Variants in EXOC6B observed in about 807,000 individuals in gnomAD.
EXOC6B encodes exocyst complex component 6B.
A neutral mutation model predicts 113.5 loss-of-function variants in EXOC6B; 54 were observed. That is an observed-to-expected ratio of 0.48 (90% CI 0.38 to 0.60). The LOEUF is 0.60. Ranked by LOEUF, EXOC6B falls within the 20% of genes least tolerant of loss-of-function variation. The probability of loss-of-function intolerance (pLI) is 0.00; values close to 1 mark genes in which losing one functional copy is unlikely to be tolerated. For synonymous variants in EXOC6B, 357 were observed against 339.0 expected (o/e 1.05, Z -0.58); for missense variants, 797 against 977.5 (o/e 0.82, Z 2.46).
chr2:72,815,639 C>T (rs12713775), intron 1 of EXOC6B, among the ~76,000 whole-genome samples: 140,385 of 152,234 alleles, frequency 0.92, 64,799 homozygotes, highest in East Asian at 0.99. Context: ...TGAAACACTA[C>T]TTATCACATC....
chr2:72,530,448 C>T (rs1701945302), intron 8 of EXOC6B, among the ~76,000 whole-genome samples: 1 of 152,024 alleles, frequency 6.6e-6, no homozygotes. Flanking sequence ...AGTCTGATTC[C>T]ATTGAGGTCT....
Position 72,513,126 on chromosome 2 carries a change from A to G in EXOC6B, c.1167+6T>C, listed in dbSNP as rs1454614228. 1 of 1,612,720 alleles carries G rather than the reference A, an allele frequency of 6.2e-7. No homozygotes were observed. The highest frequency in any genetic ancestry group is 8.5e-7 in the Non-Finnish European group (1 of 1,179,110). On this transcript the variant is annotated splice_donor_region_variant and intron_variant, in intron 11 of 21. Coordinates refer to ENST00000272427, the MANE Select transcript of EXOC6B (RefSeq NM_015189.3). ...AATAACAACTTCCCTTGGGCTTCTT[A>G]CATACCGAGTGGGTACGGAGTGCTG...
intron 19 of EXOC6B, among the ~76,000 whole-genome samples, chr2:72,359,100 T>C (rs1273637700): frequency 1.3e-5 from 2 of 152,224 alleles, no homozygotes; most frequent in Non-Finnish European, 2.9e-5. Context: ...TTAGACTCTA[T>C]GAAATGCGTA....
chr2:72,322,098 T>C (rs536817754), intron 20 of EXOC6B, among the ~76,000 whole-genome samples: 2 of 152,296 alleles, frequency 1.3e-5, no homozygotes, highest in Admixed American at 1.3e-4. Context: ...AAAAAATATA[T>C]GTTCATACAA....
At chr2:72,186,193 C>T (rs1461485235) in intron 20 of EXOC6B, among the ~76,000 whole-genome samples, 1 of 152,128 alleles carries the variant, frequency 6.6e-6, no homozygotes, top group Non-Finnish European at 1.5e-5. Flanking sequence ...GTGAATAGTG[C>T]CACAATAAAC....
chr2:72,709,786 A>C lies in EXOC6B; in HGVS notation c.669+8317T>G, dbSNP rs151285185. Among the ~76,000 whole-genome samples, 5 of 152,272 alleles carry C rather than the reference A, an allele frequency of 3.3e-5. No individual in the cohort carries two copies. The East Asian group carries it at 9.6e-4, about 29-fold the overall frequency. On this transcript the variant is annotated intron_variant, in intron 6 of 21. Coordinates refer to ENST00000272427, the MANE Select transcript of EXOC6B (RefSeq NM_015189.3). Reference sequence around the variant, plus strand: ...TAAAAAGATGCATTTAAGTCTCATAAATTTCTACGGTTTAGATTGCTTATG... The same window carrying C: ...TAAAAAGATGCATTTAAGTCTCATACATTTCTACGGTTTAGATTGCTTATG...
intron 1 of EXOC6B, among the ~76,000 whole-genome samples, chr2:72,764,872 T>C (rs1412651015): frequency 6.6e-6 from 1 of 152,212 alleles, no homozygotes; most frequent in Admixed American, 6.5e-5. Flanking sequence ...CCAGATCGTA[T>C]ACTAATATTG....
intron 20 of EXOC6B, among the ~76,000 whole-genome samples, chr2:72,198,198 G>C (rs1011093617): frequency 6.6e-6 from 1 of 152,184 alleles, no homozygotes; most frequent in African/African-American, 2.4e-5. Flanking sequence ...TGTCAAGCCT[G>C]CTTAGAACAC....
At chr2:72,674,672 A>T (rs1446910697) in intron 6 of EXOC6B, among the ~76,000 whole-genome samples, 1 of 152,126 alleles carries the variant, frequency 6.6e-6, no homozygotes, top group Non-Finnish European at 1.5e-5. Flanking sequence ...TCTACTAAAA[A>T]TACAAAAAAT....
At chr2:72,453,934 G>A (rs989318308) in intron 18 of EXOC6B, among the ~76,000 whole-genome samples, 3 of 152,170 alleles carry the variant, frequency 2.0e-5, no homozygotes, top group African/African-American at 7.2e-5. Flanking sequence ...TCACAATCAT[G>A]GCAGAAAGTA....
intron 1 of EXOC6B, among the ~76,000 whole-genome samples, chr2:72,821,682 A>G (rs1686588859): frequency 6.6e-6 from 1 of 152,126 alleles, no homozygotes; most frequent in Non-Finnish European, 1.5e-5. Context: ...ATGAACCTTG[A>G]AAACATTCAG....
rs187156849 is a variant in EXOC6B, at chr2:72,747,996, C to G, written c.114-6527G>C. The stretch of plus-strand genomic sequence containing the variant: ...TTTATCTCTACCTGCTGGCACACAG[C>G]CTGGCACAGAGGAGGTCCTCCATAT... On this transcript the variant is annotated intron_variant, in intron 1 of 21. Coordinates refer to ENST00000272427, the MANE Select transcript of EXOC6B (RefSeq NM_015189.3). Among the ~76,000 whole-genome samples the G allele has an allele frequency of 1.6e-4, 24 of 152,116 alleles. No homozygotes were observed. In the East Asian group the frequency reaches 4.6e-3, roughly 29 times the overall value.
chr2:72,561,853 G>A (rs1170143041), intron 7 of EXOC6B, among the ~76,000 whole-genome samples: 1 of 152,090 alleles, frequency 6.6e-6, no homozygotes, highest in African/African-American at 2.4e-5. Context: ...GCTCTCACTT[G>A]TAAGTATTGT....
At chr2:72,430,999 A>C (rs1219252143) in intron 18 of EXOC6B, among the ~76,000 whole-genome samples, 2 of 152,302 alleles carry the variant, frequency 1.3e-5, no homozygotes, top group Non-Finnish European at 2.9e-5. Context: ...AAAGGTCCTA[A>C]GTTCCTCCAC....
intron 20 of EXOC6B, among the ~76,000 whole-genome samples, chr2:72,278,928 C>T (rs1301374896): frequency 6.6e-6 from 1 of 152,132 alleles, no homozygotes; most frequent in Non-Finnish European, 1.5e-5. Flanking sequence ...ACAAGCTCAC[C>T]TCTAGGGGAT....
At chr2:72,458,103 T>A (rs1332855048) in intron 18 of EXOC6B, among the ~76,000 whole-genome samples, 5 of 152,252 alleles carry the variant, frequency 3.3e-5, no homozygotes, top group Non-Finnish European at 1.5e-5. Flanking sequence ...GCCTTGTCTT[T>A]CCAGTCCTCT....
chr2:72,684,726 T>C (rs1012495472), intron 6 of EXOC6B, among the ~76,000 whole-genome samples: 37 of 152,214 alleles, frequency 2.4e-4, no homozygotes, highest in African/African-American at 8.4e-4. Flanking sequence ...GTACATACTG[T>C]ATGATTCCAT....
chr2:72,204,072 C>T (rs920190753), intron 20 of EXOC6B, among the ~76,000 whole-genome samples: 2 of 152,108 alleles, frequency 1.3e-5, no homozygotes, highest in African/African-American at 2.4e-5. Flanking sequence ...AGTCCCTGTC[C>T]TTCTTCCTCC....
chr2:72,821,784 C>A (rs1377298125), intron 1 of EXOC6B, among the ~76,000 whole-genome samples: 1 of 151,954 alleles, frequency 6.6e-6, no homozygotes, highest in Non-Finnish European at 1.5e-5. Flanking sequence ...TAGTGATTGC[C>A]TAGGGAGAGA....
Sources: gnomAD v4.1 joint callset for allele counts (sites outside exome capture counted in the v4.1 genomes callset) on GRCh38, gnomAD v4.1.1 for gene constraint, MANE v1.5 for transcripts, NCBI Gene and HGNC (gene_info 2026-07-23, HGNC 2026-07-21) for gene names.